Variants in NF1 observed in about 807,000 individuals in gnomAD.
NF1 encodes the protein neurofibromin 1.
A neutral mutation model predicts 325.7 loss-of-function variants in NF1; 122 were observed. That is an observed-to-expected ratio of 0.37 (90% CI 0.32 to 0.44). The LOEUF is 0.44. NF1 is among the 20% of genes least tolerant of loss of function. NF1 has a pLI of 1.00. For synonymous variants in NF1, 1,091 were observed against 1,186.0 expected (o/e 0.92, Z 1.65); for missense variants, 2,140 against 3,415.4 (o/e 0.63, Z 9.31).
Position 31,336,274 on chromosome 17 carries a change from T to A in NF1, c.6007-59T>A. 6.4e-7 allele frequency: 1 copy of A among 1,568,498 alleles called. No individual in the cohort carries two copies. Among genetic ancestry groups the A allele is most frequent in the Non-Finnish European group, 8.7e-7 (1 of 1,146,818 alleles). ...TTAGGCTGTTCCAATGAATATTTTTTAATTAAAAATTAAATTGGTAGAGTG... is the reference window on the plus strand; with the variant it reads ...TTAGGCTGTTCCAATGAATATTTTTAAATTAAAAATTAAATTGGTAGAGTG... On this transcript the variant is annotated intron_variant, in intron 40 of 57. Transcript: ENST00000358273. The surrounding 1 kb of genome is among the most constrained non-coding windows in gnomAD (Gnocchi z 5.5).
intron 36 of NF1, among the ~76,000 whole-genome samples, chr17:31,269,691 A>G (rs1462894428): frequency 6.6e-6 from 1 of 152,258 alleles, no homozygotes; most frequent in African/African-American, 2.4e-5. Context: ...TTTTATTCCC[A>G]AGCAGCTGCT....
intron 36 of NF1, among the ~76,000 whole-genome samples, chr17:31,280,516 CAAAAAA>C (rs57193583): frequency 5.2e-3 from 410 of 79,508 alleles, no homozygotes; most frequent in African/African-American, 0.011. Flanking sequence ...GACTCTGTCT[CAAAAAA>C]AAAAAAAAAA....
At chr17:31,161,020 G>C (rs1310319673) in intron 3 of NF1, among the ~76,000 whole-genome samples, 1 of 152,150 alleles carries the variant, frequency 6.6e-6, no homozygotes. Flanking sequence ...TGATTTTACA[G>C]ATGTTTCTTG....
chr17:31,159,584 G>T (rs1160607236), intron 3 of NF1, among the ~76,000 whole-genome samples: 1 of 152,126 alleles, frequency 6.6e-6, no homozygotes. Context: ...ACAAATATGC[G>T]ATAGGTATGT....
At chr17:31,263,120 T>TAGATAAGATAAGATAAGATA (rs71142039) in intron 35 of NF1, among the ~76,000 whole-genome samples, 8 of 95,768 alleles carry the variant, frequency 8.4e-5, no homozygotes, top group African/African-American at 1.9e-4. Context: ...GATAGATAGA[T>TAGATAAGATAAGATAAGATA]AGATAAGATA....
chr17:31,268,639 A>G (rs537799428), intron 36 of NF1, among the ~76,000 whole-genome samples: 23 of 151,878 alleles, frequency 1.5e-4, no homozygotes, highest in African/African-American at 5.3e-4. Flanking sequence ...AAAAAAAAAA[A>G]AAAGTGACCA....
rs559435729 is a variant in NF1, at chr17:31,268,527, T to C, written c.4835+3188T>C. On this transcript the variant is annotated intron_variant, in intron 36 of 57. Coordinates refer to ENST00000358273, the MANE Select transcript of NF1 (RefSeq NM_001042492.3). ...CTGTAGTCCCAGCTACTCGGGAGGC[T>C]GAGGCAGGGGAATTGCTTGAACCCG... Among the ~76,000 whole-genome samples the C allele has an allele frequency of 7.8e-3, 1,174 of 150,788 alleles. 11 individuals are homozygous for C. The highest frequency in any genetic ancestry group is 0.013 in the East Asian group (64 of 5,012).
chr17:31,337,498 A>C lies in NF1; in HGVS notation c.6558A>C (p.Ser2186=), dbSNP rs753509749. 10 of 1,614,024 alleles carry C rather than the reference A, an allele frequency of 6.2e-6. No individual in the cohort carries two copies. The highest frequency in any genetic ancestry group is 8.5e-6 in the Non-Finnish European group (10 of 1,180,010). The stretch of plus-strand genomic sequence containing the variant: ...TCCGTTCCAGTTACCGGGACAGGTC[A>C]TTCTCTCCTGGCTCCTATGAGAGAG... ...IAFRSSYRDR[S]FSPGSYERET... The change falls in exon 43 of 58, where the codon TCA becomes TCC. Residue 2186 remains serine (S), a synonymous_variant. Transcript: ENST00000358273.
chr17:31,358,464 T>A lies in NF1; in HGVS notation c.7971-16T>A. 1 of 1,590,474 alleles carries A rather than the reference T, an allele frequency of 6.3e-7. No homozygotes were observed. The highest frequency in any genetic ancestry group is 2.2e-5 in the East Asian group (1 of 44,576). On this transcript the variant is annotated splice_polypyrimidine_tract_variant and intron_variant, in intron 54 of 57. Transcript: ENST00000358273. ...TCCTCTAAAATGTTCCTCTGTTGACTTTTTTTTTCTTTTAGGCATAATTTG... is the reference window on the plus strand; with the variant it reads ...TCCTCTAAAATGTTCCTCTGTTGACATTTTTTTTCTTTTAGGCATAATTTG...
At chr17:31,151,520 C>T (rs1916941104) in intron 1 of NF1, among the ~76,000 whole-genome samples, 1 of 152,160 alleles carries the variant, frequency 6.6e-6, no homozygotes. Context: ...ATAAAATTGT[C>T]TCTCAGTATC....
chr17:31,188,705 C>T (rs977207940), intron 8 of NF1, among the ~76,000 whole-genome samples: 6 of 152,166 alleles, frequency 3.9e-5, no homozygotes, highest in African/African-American at 1.4e-4. Context: ...GGCAGACCCA[C>T]CCTTAATCTG....
At chr17:31,133,696 G>C (rs1279287932) in intron 1 of NF1, 3 of 151,634 alleles carry the variant, frequency 2.0e-5, no homozygotes, top group Non-Finnish European at 4.4e-5. Context: ...TCACTCTGTT[G>C]CCCAGGCTTG....
chr17:31,327,930 T>C (rs1002338541), intron 38 of NF1, 91 bp downstream of exon 38: 10 of 1,213,246 alleles, frequency 8.2e-6, no homozygotes, highest in Non-Finnish European at 1.2e-5. Context: ...GCCTCTACCT[T>C]AATATTGTAA....
rs547539916 is a variant in NF1, at chr17:31,255,538, A to G, written c.4173+2538A>G. 2.5e-4 allele frequency among the ~76,000 whole-genome samples: 38 copies of G among 152,302 alleles called. 1 individual carries two copies. The highest frequency in any genetic ancestry group is 2.3e-3 in the Admixed American group (35 of 15,308). ...ATTGATTCTGCCATCAGTGATACAT[A>G]TATTTATATGATACATGAGACAGTA... On this transcript the variant is annotated intron_variant, in intron 31 of 57. Transcript: ENST00000358273.
intron 48 of NF1, among the ~76,000 whole-genome samples, chr17:31,344,095 T>C (rs2069905509): frequency 6.6e-6 from 1 of 152,242 alleles, no homozygotes; most frequent in South Asian, 2.1e-4. Context: ...AAGTGTTATT[T>C]GAATAATTTA....
intron 48 of NF1, among the ~76,000 whole-genome samples, chr17:31,344,254 C>A (rs1294517025): frequency 1.3e-5 from 2 of 152,180 alleles, no homozygotes; most frequent in African/African-American, 2.4e-5. Context: ...AGCCAGTGAT[C>A]TCCAGCTATT....
chr17:31,213,126 A>G (rs2066758237), intron 12 of NF1, among the ~76,000 whole-genome samples: 1 of 152,212 alleles, frequency 6.6e-6, no homozygotes, highest in South Asian at 2.1e-4. Flanking sequence ...GTTTAATCAA[A>G]GTTTCAGCTT....
chr17:31,116,962 C>T lies in NF1; in HGVS notation c.60+21593C>T, dbSNP rs17878518. Among the ~76,000 whole-genome samples the T allele has an allele frequency of 3.5e-3, 537 of 151,652 alleles. 4 individuals are homozygous for T. The highest frequency in any genetic ancestry group is 0.012 in the African/African-American group (502 of 41,342). The stretch of plus-strand genomic sequence containing the variant: ...AAAGTGCTAGGGTTACAGGCATGAG[C>T]CACTGTGCCTGGCTCATTTTATTTT... On this transcript the variant is annotated intron_variant, in intron 1 of 57. Transcript: ENST00000358273.
chr17:31,121,575 CTTA>C (rs929106894), intron 1 of NF1, among the ~76,000 whole-genome samples: 5 of 151,710 alleles, frequency 3.3e-5, no homozygotes, highest in Non-Finnish European at 7.4e-5. Context: ...ATAAATAGCT[CTTA>C]TTATTTTGAG....
Sources: allele counts gnomAD v4.1 joint callset (sites outside exome capture counted in the v4.1 genomes callset), GRCh38; gene constraint gnomAD v4.1.1; non-coding constraint Gnocchi (gnomAD v3.1); transcripts MANE v1.5; gene names NCBI Gene and HGNC (gene_info 2026-07-23, HGNC 2026-07-21).